CFAP299: variants seen among roughly 807,000 people sequenced by gnomAD.
CFAP299 encodes cilia- and flagella-associated protein 299.
In CFAP299, 21 loss-of-function variants were observed where a neutral mutation model predicts 27.0. The ratio of observed to expected loss-of-function variants is 0.78; its 90% CI spans 0.55 to 1.12. CFAP299 has a LOEUF of 1.12. Ranked by LOEUF, CFAP299 falls within the 50% of genes most tolerant of loss-of-function variation. The pLI is 0.00. For synonymous variants in CFAP299, 104 were observed against 98.1 expected, an observed-to-expected ratio of 1.06 and a Z score of -0.36; for missense variants, 310 against 276.6, an observed-to-expected ratio of 1.12 and a Z score of -0.86.
intron 3 of CFAP299, among the ~76,000 whole-genome samples, chr4:80,694,958 G>C (rs1720993682): frequency 6.6e-6 from 1 of 152,176 alleles, no homozygotes; most frequent in South Asian, 2.1e-4. Context: ...GCAGGAGCCA[G>C]ATTTTTGGGG....
At chr4:80,900,987 A>G (rs1338536176) in intron 4 of CFAP299, among the ~76,000 whole-genome samples, 3 of 152,264 alleles carry the variant, frequency 2.0e-5, no homozygotes, top group Admixed American at 6.5e-5. Context: ...AGTAACTACC[A>G]TTTAGTCATG....
intron 2 of CFAP299, among the ~76,000 whole-genome samples, chr4:80,484,776 C>T (rs144309262): frequency 7.6e-4 from 116 of 152,180 alleles, no homozygotes; most frequent in Middle Eastern, 3.4e-3. Flanking sequence ...GTACAGATGT[C>T]GGCATCTACT....
At chr4:80,863,843 C>T (rs1732530132) in intron 3 of CFAP299, among the ~76,000 whole-genome samples, 1 of 151,740 alleles carries the variant, frequency 6.6e-6, no homozygotes, top group Non-Finnish European at 1.5e-5. Context: ...TTTTAAAAGC[C>T]TTTTAATATA....
rs528248436 is a variant in CFAP299 at position 80,509,173 on chromosome 4, A to G, written c.243-73920A>G. On this transcript the variant is annotated intron_variant, in intron 2 of 5. Transcript: ENST00000358105. ...ACTATAGCTCTTATAAGTTAAATAC[A>G]GAATTTGAACATACACTGTTAATAT... Among the ~76,000 whole-genome samples the G allele has an allele frequency of 6.4e-4, 98 of 152,328 alleles. 1 individual carries two copies. The highest frequency in any genetic ancestry group is 2.2e-3 in the African/African-American group (92 of 41,596).
chr4:80,508,348 C>T (rs1732132443), intron 2 of CFAP299, among the ~76,000 whole-genome samples: 1 of 151,874 alleles, frequency 6.6e-6, no homozygotes, highest in Non-Finnish European at 1.5e-5. Context: ...CTCTTTTTTT[C>T]CCGAATTTAC....
intron 2 of CFAP299, among the ~76,000 whole-genome samples, chr4:80,552,835 G>A (rs1280538093): frequency 5.9e-5 from 9 of 151,860 alleles, no homozygotes; most frequent in Non-Finnish European, 4.4e-5. Flanking sequence ...CAACAGGCAT[G>A]TGCCACCATG....
At chr4:80,499,968 A>ATT (rs370256415) in intron 2 of CFAP299, among the ~76,000 whole-genome samples, 12 of 142,606 alleles carry the variant, frequency 8.4e-5, no homozygotes, top group Non-Finnish European at 1.4e-4. Flanking sequence ...TATTAACTTC[A>ATT]TTTTTTTTTT....
At chr4:80,744,817 T>A (rs1333594728) in intron 3 of CFAP299, among the ~76,000 whole-genome samples, 1 of 152,118 alleles carries the variant, frequency 6.6e-6, no homozygotes, top group Non-Finnish European at 1.5e-5. Context: ...ACTTTATTTT[T>A]AAAATGTTAT....
intron 2 of CFAP299, among the ~76,000 whole-genome samples, chr4:80,478,354 T>A (rs1730384857): frequency 6.6e-6 from 1 of 152,132 alleles, no homozygotes; most frequent in Non-Finnish European, 1.5e-5. Flanking sequence ...ATTTTATAAT[T>A]TTTTTGTTTG....
At chr4:80,868,324 G>T (rs1275993967) in intron 3 of CFAP299, among the ~76,000 whole-genome samples, 1 of 152,100 alleles carries the variant, frequency 6.6e-6, no homozygotes, top group Non-Finnish European at 1.5e-5. Context: ...TTTGAGCAAT[G>T]ATCTGATGTT....
chr4:80,471,406 A>T (rs1729985259), intron 2 of CFAP299, among the ~76,000 whole-genome samples: 3 of 151,786 alleles, frequency 2.0e-5, no homozygotes, highest in Non-Finnish European at 4.4e-5. Context: ...TTCATTATAT[A>T]TTATGCCTTA....
intron 2 of CFAP299, among the ~76,000 whole-genome samples, chr4:80,476,988 C>T (rs1357852078): frequency 2.0e-5 from 3 of 150,188 alleles, no homozygotes; most frequent in African/African-American, 4.9e-5. Flanking sequence ...TGTGTGTCTT[C>T]CCCAACTTTC....
intron 3 of CFAP299, among the ~76,000 whole-genome samples, chr4:80,714,342 A>G (rs1174718171): frequency 6.6e-6 from 1 of 152,140 alleles, no homozygotes; most frequent in African/African-American, 2.4e-5. Context: ...CATTGAAATC[A>G]TACAGTAAAT....
At chr4:80,771,023 G>T (rs567304409) in intron 3 of CFAP299, among the ~76,000 whole-genome samples, 1 of 152,206 alleles carries the variant, frequency 6.6e-6, no homozygotes, top group East Asian at 1.9e-4. Flanking sequence ...AACCAATTAT[G>T]GGAATCATAT....
chr4:80,925,562 C>A (rs535050355), intron 4 of CFAP299, among the ~76,000 whole-genome samples: 11 of 151,940 alleles, frequency 7.2e-5, no homozygotes, highest in Admixed American at 1.3e-4. Context: ...AAGTGACAAC[C>A]CATACACCTG....
At chr4:80,689,309 T>A (rs368482593) in intron 3 of CFAP299, among the ~76,000 whole-genome samples, 4 of 151,264 alleles carry the variant, frequency 2.6e-5, no homozygotes, top group South Asian at 2.1e-4. Context: ...CGGGTTACCC[T>A]CAAAGGGAAG....
At chr4:80,842,734 A>G (rs78644438) in intron 3 of CFAP299, among the ~76,000 whole-genome samples, 5,413 of 152,176 alleles carry the variant, frequency 0.036, 201 homozygotes, top group African/African-American at 0.099. Flanking sequence ...CCTTCACGTG[A>G]TTAGGCTATG....
intron 4 of CFAP299, among the ~76,000 whole-genome samples, chr4:80,877,637 A>G (rs1372534777): frequency 6.6e-6 from 1 of 152,218 alleles, no homozygotes. Flanking sequence ...ATTACTCTAC[A>G]TAAGATTTTT....
rs185317257 is a variant in CFAP299 at position 80,795,596 on chromosome 4, G to T, written c.334-74397G>T. On this transcript the variant is annotated intron_variant, in intron 3 of 5. Transcript: ENST00000358105. ...AGGCAGAGTGGCAGGAGTGGAGACC[G>T]TGGGCATTTGAGCCACTTACTCGTG... 9.9e-5 allele frequency among the ~76,000 whole-genome samples: 15 copies of T among 152,250 alleles called. No individual in the cohort carries two copies. In the South Asian group the frequency reaches 1.4e-3, roughly 15 times the overall value.
Sources: gnomAD v4.1 joint callset for allele counts (sites outside exome capture counted in the v4.1 genomes callset) on GRCh38, gnomAD v4.1.1 for gene constraint, MANE v1.5 for transcripts, NCBI Gene and HGNC (gene_info 2026-07-23, HGNC 2026-07-21) for gene names.